Variants in ROBO1 observed in about 807,000 individuals in gnomAD.
The protein encoded by ROBO1 is roundabout homolog 1.
A neutral mutation model predicts 195.9 loss-of-function variants in ROBO1; 149 were observed. That is an observed-to-expected ratio of 0.76 (90% CI 0.67 to 0.87). The LOEUF (loss-of-function observed/expected upper bound fraction) is 0.87, where lower values mean the gene tolerates loss of function less well. Among genes scored for constraint, ROBO1 ranks in the 40% least tolerant of loss-of-function variants. The pLI, the probability that ROBO1 is intolerant of heterozygous loss-of-function variation, is 0.00. For synonymous variants in ROBO1, 816 were observed against 733.2 expected (o/e 1.11, Z -1.82); for missense variants, 1,933 against 2,068.3 (o/e 0.93, Z 1.27).
intron 3 of ROBO1, among the ~76,000 whole-genome samples, chr3:79,027,656 G>T (rs1254286944): frequency 6.6e-6 from 1 of 151,958 alleles, no homozygotes; most frequent in Non-Finnish European, 1.5e-5. Context: ...ATTTTCCCAA[G>T]AGTTTAATCA....
At chr3:79,019,542 G>T in intron 3 of ROBO1, 15 of 985,878 alleles carry the variant, frequency 1.5e-5, no homozygotes, top group Non-Finnish European at 1.8e-5. Flanking sequence ...AAGGGGCCGC[G>T]TGGTCCTTTC....
At chr3:79,680,982 T>A (rs1264012503) in intron 1 of ROBO1, among the ~76,000 whole-genome samples, 1 of 151,904 alleles carries the variant, frequency 6.6e-6, no homozygotes, top group Admixed American at 6.6e-5. Flanking sequence ...ACATAGTGAT[T>A]GAGTGCAGCA....
Position 79,241,948 on chromosome 3 carries a change from C to CTT in ROBO1, c.89-116411_89-116410dup, listed in dbSNP as rs11383398. ...AAGTCTTCTTAATGCTTAATTTAAG[C>CTT]TTTTTTTTTTTTCATGAAAGACACA... is the stretch of plus-strand genomic sequence containing the variant. On this transcript the variant is annotated intron_variant, in intron 2 of 30. Coordinates refer to ENST00000464233, the MANE Select transcript of ROBO1 (RefSeq NM_002941.4). Among the ~76,000 whole-genome samples, 642 of 145,684 alleles carry CTT rather than the reference C, an allele frequency of 4.4e-3. 6 individuals carry two copies. The highest frequency in any genetic ancestry group is 0.01 in the African/African-American group (402 of 40,018).
intron 30 of ROBO1, among the ~76,000 whole-genome samples, chr3:78,599,875 C>G (rs1703067559): frequency 6.6e-6 from 1 of 152,210 alleles, no homozygotes; most frequent in Admixed American, 6.5e-5. Flanking sequence ...ATCTGAAAAT[C>G]TGCAAATGAA....
At chr3:79,732,023 C>G (rs1576295039) in intron 1 of ROBO1, among the ~76,000 whole-genome samples, 1 of 152,040 alleles carries the variant, frequency 6.6e-6, no homozygotes, top group Non-Finnish European at 1.5e-5. Context: ...TTTCCACAAA[C>G]CTAGAGTGTG....
chr3:78,852,001 G>A (rs1162500470), intron 4 of ROBO1, among the ~76,000 whole-genome samples: 2 of 151,736 alleles, frequency 1.3e-5, no homozygotes, highest in Admixed American at 1.3e-4. Flanking sequence ...TATCAATAAG[G>A]TTATGAATAA....
chr3:79,286,809 T>C lies in ROBO1; in HGVS notation c.89-161270A>G, dbSNP rs190501176. ...ATACTTCAACAGAAAATAGTTACAA[T>C]TGATTTTCATTTTATAAATTCCAGA... On this transcript the variant is annotated intron_variant, in intron 2 of 30. Transcript: ENST00000464233. Among the ~76,000 whole-genome samples, 1,135 of 152,304 alleles carry C rather than the reference T, an allele frequency of 7.5e-3. 8 individuals carry two copies. Among genetic ancestry groups the C allele is most frequent in the Middle Eastern group, 0.01 (3 of 294 alleles).
chr3:78,888,552 G>C (rs533717024), intron 4 of ROBO1, among the ~76,000 whole-genome samples: 2 of 152,130 alleles, frequency 1.3e-5, no homozygotes, highest in African/African-American at 2.4e-5. Context: ...TAGAAACTTA[G>C]TTAAAATTAA....
intron 1 of ROBO1, among the ~76,000 whole-genome samples, chr3:79,629,921 T>A (rs1945289024): frequency 6.6e-6 from 1 of 151,600 alleles, no homozygotes; most frequent in African/African-American, 2.4e-5. Flanking sequence ...ACATGCAACC[T>A]CTCAATATTG....
At chr3:78,744,475 T>C (rs2108271001) in intron 5 of ROBO1, among the ~76,000 whole-genome samples, 1 of 152,308 alleles carries the variant, frequency 6.6e-6, no homozygotes, top group Admixed American at 6.5e-5. Flanking sequence ...CTACAACACC[T>C]GTAAGAGCCT....
At chr3:79,711,874 T>C (rs980924385) in intron 1 of ROBO1, among the ~76,000 whole-genome samples, 3 of 143,150 alleles carry the variant, frequency 2.1e-5, no homozygotes, top group African/African-American at 7.8e-5. Flanking sequence ...GTTATGGTAA[T>C]CTGTGATCAG....
rs193140147 is a variant in ROBO1 at position 79,007,245 on chromosome 3, C to T, written c.173-68318G>A. 1.1e-4 allele frequency among the ~76,000 whole-genome samples: 16 copies of T among 152,174 alleles called. 1 individual carries two copies. In the East Asian group the frequency reaches 3.1e-3, roughly 29 times the overall value. On this transcript the variant is annotated intron_variant, in intron 3 of 30. Coordinates refer to ENST00000464233, the MANE Select transcript of ROBO1 (RefSeq NM_002941.4). ...CCTTGGGTAGCTTTGGAGGATAAAA[C>T]CAAGGCCAGTAGGTCAGGAATTAGA...
chr3:78,938,765 TTGTC>T lies in ROBO1; in HGVS notation c.331_334del (p.Asp111LysfsTer21). 6.2e-7 allele frequency: 1 copy of T among 1,613,954 alleles called. No individual in the cohort carries two copies. Among genetic ancestry groups the T allele is most frequent in the Non-Finnish European group, 8.5e-7 (1 of 1,179,884 alleles). ...CATTCGGTGTGAGCGAGGGTCATCT[TTGTC>T]TGTCTCCACTCTCTCTCCCCCTTTG... is the stretch of plus-strand genomic sequence containing the variant. On this transcript the variant is annotated frameshift_variant, in exon 4 of 31. Coordinates refer to ENST00000464233, the MANE Select transcript of ROBO1 (RefSeq NM_002941.4). LOFTEE classifies it high-confidence loss of function.
intron 2 of ROBO1, among the ~76,000 whole-genome samples, chr3:79,241,251 G>A (rs2082511650): frequency 6.6e-6 from 1 of 152,104 alleles, no homozygotes; most frequent in Admixed American, 6.6e-5. Flanking sequence ...GGAGTGTTAA[G>A]AATGTTTTAA....
intron 2 of ROBO1, among the ~76,000 whole-genome samples, chr3:79,558,968 G>A (rs1942809946): frequency 6.6e-6 from 1 of 152,152 alleles, no homozygotes; most frequent in Non-Finnish European, 1.5e-5. Flanking sequence ...GAATTAGCTT[G>A]TGGCTTTTTC....
chr3:79,410,849 T>C (rs1575787748), intron 2 of ROBO1, among the ~76,000 whole-genome samples: 1 of 152,096 alleles, frequency 6.6e-6, no homozygotes, highest in East Asian at 1.9e-4. Flanking sequence ...CCACCACAGC[T>C]TTCCAACTTC....
chr3:78,927,339 G>A (rs773705146), intron 4 of ROBO1, among the ~76,000 whole-genome samples: 5 of 152,116 alleles, frequency 3.3e-5, no homozygotes, highest in Non-Finnish European at 2.9e-5. Context: ...CCAAACCTGA[G>A]ATACCAAGGC....
chr3:79,186,332 T>C (rs2081437487), intron 2 of ROBO1, among the ~76,000 whole-genome samples: 1 of 150,166 alleles, frequency 6.7e-6, no homozygotes, highest in African/African-American at 2.5e-5. Context: ...TACACACACA[T>C]ATTTATAAAC....
chr3:78,662,012 G>C lies in ROBO1; in HGVS notation c.2069C>G (p.Ser690Cys). 1 of 1,607,674 alleles carries C rather than the reference G, an allele frequency of 6.2e-7. No individual in the cohort carries two copies. Among genetic ancestry groups the C allele is most frequent in the East Asian group, 2.2e-5 (1 of 44,778 alleles). Residue 690 changes from serine (S) to cysteine (C), a missense_variant, in exon 15 of 31, where the codon TCC (serine) becomes TGC (cysteine). Transcript: ENST00000464233. ...LHNPTVLSSSSIEVHWTVDQQ... is the reference protein window; with the variant it reads ...LHNPTVLSSSCIEVHWTVDQQ... ...ACTCACTGTCCAGTGCACTTCGATG[G>C]AAGAGGAAGAAAGGACGGTGGGGTT...
Sources: allele counts gnomAD v4.1 joint callset (sites outside exome capture counted in the v4.1 genomes callset), GRCh38; gene constraint gnomAD v4.1.1; transcripts MANE v1.5; gene names NCBI Gene and HGNC (gene_info 2026-07-23, HGNC 2026-07-21).